The following PHYKPL variants were observed in gnomAD, a reference collection of about 807,000 sequenced individuals.
PHYKPL encodes the protein 5-phosphonooxy-L-lysine phospho-lyase.
PHYKPL carries 42 observed loss-of-function variants against 51.3 expected under a neutral mutation model. That is an observed-to-expected ratio of 0.82 (90% CI 0.64 to 1.06). The LOEUF is 1.06. PHYKPL is among the 50% of genes least tolerant of loss of function. The pLI is 0.00. For missense variants in PHYKPL, 655 were observed against 586.6 expected (o/e 1.12, Z -1.20); for synonymous variants, 264 against 236.0 (o/e 1.12, Z -1.09).
chr5:178,223,689 C>T (rs1761672169), intron 6 of PHYKPL: 1 of 347,912 alleles, frequency 2.9e-6, no homozygotes, highest in African/African-American at 2.2e-5. Flanking sequence ...CACAGGCTGC[C>T]TTTCTTTGTC....
intron 1 of PHYKPL, chr5:178,231,807 T>C (rs1368634566): frequency 2.2e-6 from 3 of 1,392,408 alleles, no homozygotes; most frequent in South Asian, 1.2e-5. Flanking sequence ...CGCGTCAGTC[T>C]CCCGGATCCT....
chr5:178,212,806 G>A (rs1188264560), intron 11 of PHYKPL, among the ~76,000 whole-genome samples, 167 bp downstream of exon 11: 4 of 152,194 alleles, frequency 2.6e-5, no homozygotes, highest in African/African-American at 9.7e-5. Context: ...GCAGGAATAG[G>A]AGCAGATTGG....
At chr5:178,230,209 G>A (rs920952450) in intron 2 of PHYKPL, 110 bp from the exon 3 acceptor site, 4 of 1,409,798 alleles carry the variant, frequency 2.8e-6, no homozygotes, top group East Asian at 2.3e-5. Context: ...GTTCTAGAGG[G>A]AGAGGTAGAA....
chr5:178,209,326 T>C (rs1227412573), intron 12 of PHYKPL: 1 of 1,613,748 alleles, frequency 6.2e-7, no homozygotes, highest in Non-Finnish European at 8.5e-7. Context: ...CTCTTGACTT[T>C]TAGTGTGAGA....
chr5:178,228,668 G>A (rs993933131), intron 3 of PHYKPL: 23 of 699,120 alleles, frequency 3.3e-5, no homozygotes, highest in South Asian at 6.0e-5. Context: ...AGTGGCCACA[G>A]TAATCATCAC....
intron 10 of PHYKPL, 151 bp from the exon 11 acceptor site, chr5:178,213,254 C>T: frequency 2.8e-6 from 3 of 1,083,840 alleles, no homozygotes; most frequent in Non-Finnish European, 3.9e-6. Flanking sequence ...CTCCCAGAGT[C>T]CTGTGCATCT....
chr5:178,221,864 A>G (rs1761231544), intron 8 of PHYKPL, among the ~76,000 whole-genome samples: 1 of 152,152 alleles, frequency 6.6e-6, no homozygotes, highest in South Asian at 2.1e-4. Flanking sequence ...TCGTGCTGCC[A>G]TCCTCTCACC....
chr5:178,224,495 T>C lies in PHYKPL; in HGVS notation c.571A>G (p.Asn191Asp). The part of the protein sequence containing the change: ...DHPNPAMAYA[N>D]EVKRVVSSAQ... ...CTGCTGACCACACGTTTCACCTCGT[T>C]GGCATAGGCCATAGCTGGGTTGGGG... is the stretch of plus-strand genomic sequence containing the variant. The change falls in exon 6 of 13, where the codon AAC becomes GAC. Residue 191 changes from asparagine (N) to aspartate (D), a missense_variant. Transcript: ENST00000308158. 3 of 1,611,740 alleles carry C rather than the reference T, an allele frequency of 1.9e-6. No individual in the cohort carries two copies. In the South Asian group the frequency reaches 3.3e-5, roughly 18 times the overall value.
chr5:178,230,353 G>T (rs1193604834), intron 2 of PHYKPL: 4 of 462,958 alleles, frequency 8.6e-6, no homozygotes, highest in Non-Finnish European at 1.6e-5. Context: ...ATGTCTTTAA[G>T]GAGGACTTTT....
chr5:178,218,475 C>A (rs984185581), intron 8 of PHYKPL, among the ~76,000 whole-genome samples: 5 of 152,070 alleles, frequency 3.3e-5, no homozygotes, highest in Admixed American at 2.0e-4. Context: ...AGAATAGAGC[C>A]TTCATGAATG....
At chr5:178,212,070 G>C in intron 11 of PHYKPL, 100 bp from the exon 12 acceptor site, 1 of 1,289,774 alleles carries the variant, frequency 7.8e-7, no homozygotes, top group South Asian at 1.2e-5. Context: ...TTAGAGATTG[G>C]GCCCTCTGGC....
Position 178,230,008 on chromosome 5 carries a change from C to G in PHYKPL, c.270G>C (p.Val90=). ...TNSRYLHDNI[V]DYAQRLSETL... is the part of the protein sequence containing the mutation. ...TCTCTGACAGCCTCTGCGCATAGTCCACGATGTTGTCATGCAGGTACCGGC... is the reference window on the plus strand; with the variant it reads ...TCTCTGACAGCCTCTGCGCATAGTCGACGATGTTGTCATGCAGGTACCGGC... The change falls in exon 3 of 13, where the codon GTG becomes GTC. Residue 90 remains valine (V), a synonymous_variant. Transcript: ENST00000308158. 1 of 1,614,242 alleles carries G rather than the reference C, an allele frequency of 6.2e-7. No homozygotes were observed. The highest frequency in any genetic ancestry group is 1.1e-5 in the South Asian group (1 of 91,088).
At position 178,223,745 on chromosome 5, in the gene PHYKPL, G is replaced by A. The variant is rs13361310; in HGVS notation, c.618+703C>T. On this transcript the variant is annotated intron_variant, in intron 6 of 12. Coordinates refer to ENST00000308158, the MANE Select transcript of PHYKPL (RefSeq NM_153373.4). Reference sequence around the variant, plus strand: ...TGTCACTCCTTCAGTGAAGCCTTCAGAGAGCCCTCACCTGTCGCCAACAGT... The same window carrying A: ...TGTCACTCCTTCAGTGAAGCCTTCAAAGAGCCCTCACCTGTCGCCAACAGT... The A allele has an allele frequency of 2.1e-5, 7 of 335,704 alleles. No individual in the cohort carries two copies. In the East Asian group the frequency reaches 5.9e-4, roughly 28 times the overall value. The allele number at this position is 335,704 out of a possible 1,614,324, so 20.8% of individuals were successfully genotyped here.
chr5:178,210,260 G>C (rs369576001), intron 12 of PHYKPL: 1 of 1,614,028 alleles, frequency 6.2e-7, no homozygotes, highest in Admixed American at 1.7e-5. Context: ...CTACGGCCCC[G>C]GCTACGACTA....
intron 12 of PHYKPL, chr5:178,210,149 A>G (rs369373558): frequency 4.3e-6 from 7 of 1,614,048 alleles, no homozygotes; most frequent in Non-Finnish European, 5.9e-6. Context: ...TCAGAGTTGG[A>G]ATCAGGGCTA....
rs775694717 is a variant in PHYKPL at position 178,210,103 on chromosome 5, C to T, written c.*32-1188G>A. On this transcript the variant is annotated intron_variant, in intron 12 of 12. Coordinates refer to ENST00000308158, the MANE Select transcript of PHYKPL (RefSeq NM_153373.4). ...GCTCCTGCGTATGCTAAATGGTCCA[C>T]GGGCCCCTGTGCCCTGCTCCCCCCA... 47 of 1,611,378 alleles carry T rather than the reference C, an allele frequency of 2.9e-5. No homozygotes were observed. The African/African-American group carries it at 4.6e-4, about 16-fold the overall frequency.
At chr5:178,219,452 A>T (rs1465300742) in intron 8 of PHYKPL, among the ~76,000 whole-genome samples, 3 of 141,918 alleles carry the variant, frequency 2.1e-5, no homozygotes, top group Non-Finnish European at 3.1e-5. Flanking sequence ...ACAAATAGGC[A>T]TTTTTTTTTT....
intron 12 of PHYKPL, chr5:178,210,707 G>A: frequency 2.7e-6 from 3 of 1,102,562 alleles, no homozygotes; most frequent in Non-Finnish European, 4.2e-6. Flanking sequence ...AATTTAACTT[G>A]GCAAACTTTC....
intron 3 of PHYKPL, chr5:178,225,754 T>C (rs1385680147): frequency 6.3e-6 from 2 of 319,260 alleles, no homozygotes; most frequent in African/African-American, 4.2e-5. Flanking sequence ...CTTCTGTGAC[T>C]CCAAAAAATA....
Sources: allele counts gnomAD v4.1 joint callset (sites outside exome capture counted in the v4.1 genomes callset), GRCh38; gene constraint gnomAD v4.1.1; transcripts MANE v1.5; gene names NCBI Gene and HGNC (gene_info 2026-07-23, HGNC 2026-07-21).